The following CDH13 variants were observed in gnomAD, a reference collection of about 807,000 sequenced individuals.
CDH13 encodes the protein cadherin 13, also known as cadherin-13.
In CDH13, 24 loss-of-function variants were observed where a neutral mutation model predicts 63.8. The observed-to-expected ratio is 0.38, with a 90% CI of 0.27 to 0.53. The LOEUF (loss-of-function observed/expected upper bound fraction) is 0.53. CDH13 is among the 20% of genes least tolerant of loss of function. The pLI, the probability that CDH13 is intolerant of heterozygous loss-of-function variation, is 0.85. For synonymous variants in CDH13, 503 were observed against 355.3 expected, an observed-to-expected ratio of 1.42 and a Z score of -4.67; for missense variants, 1,049 against 903.1, an observed-to-expected ratio of 1.16 and a Z score of -2.07.
chr16:82,948,536 A>T (rs1402512106), intron 2 of CDH13, among the ~76,000 whole-genome samples: 1 of 152,190 alleles, frequency 6.6e-6, no homozygotes, highest in African/African-American at 2.4e-5. Flanking sequence ...GGAACAATCA[A>T]AAGATCAAAG....
intron 4 of CDH13, among the ~76,000 whole-genome samples, chr16:83,191,458 AATATATATATATATAT>A (rs57044100): frequency 1.2e-5 from 1 of 80,582 alleles, no homozygotes; most frequent in East Asian, 3.6e-4. Flanking sequence ...ACTAATAGGA[AATATATATATATATAT>A]ATATATATAT....
chr16:83,787,874 C>T lies in CDH13; in HGVS notation c.2134+4402C>T, dbSNP rs1915989799. On this transcript the variant is annotated intron_variant, in intron 13 of 13. Transcript: ENST00000567109. ...AGGAGAATCGCTTGAACCTGCCAGG[C>T]AGAGGTTGCAGTGAGCCGAGATCAC... 1.3e-5 allele frequency among the ~76,000 whole-genome samples: 2 copies of T among 151,182 alleles called. 1 individual carries two copies. The highest frequency in any genetic ancestry group is 4.2e-4 in the South Asian group (2 of 4,762).
At chr16:83,617,216 G>A (rs1417859294) in intron 8 of CDH13, among the ~76,000 whole-genome samples, 2 of 152,280 alleles carry the variant, frequency 1.3e-5, no homozygotes, top group East Asian at 1.9e-4. Flanking sequence ...TTTAATTAGA[G>A]ATGAGTTTAT....
At chr16:82,700,864 C>G (rs947890353) in intron 1 of CDH13, among the ~76,000 whole-genome samples, 11 of 147,114 alleles carry the variant, frequency 7.5e-5, no homozygotes, top group Non-Finnish European at 1.3e-4. Flanking sequence ...ATTCAGAACA[C>G]TAATCTGATC....
At position 83,490,798 on chromosome 16, in the gene CDH13, C is replaced by T. The variant is rs542366356; in HGVS notation, c.960+4143C>T. 9.2e-4 allele frequency among the ~76,000 whole-genome samples: 140 copies of T among 152,282 alleles called. 1 individual carries two copies. The highest frequency in any genetic ancestry group is 3.1e-3 in the African/African-American group (128 of 41,540). On this transcript the variant is annotated intron_variant, in intron 7 of 13. Transcript: ENST00000567109. The stretch of plus-strand genomic sequence containing the variant: ...TCTTCCCCTTCCATATCTTAAGCTC[C>T]GCATTAATAGATATCAAGTTTCCCC...
At chr16:82,940,141 G>C (rs898870116) in intron 2 of CDH13, among the ~76,000 whole-genome samples, 2 of 152,144 alleles carry the variant, frequency 1.3e-5, no homozygotes, top group African/African-American at 4.8e-5. Context: ...CAACGTGTGG[G>C]AATTATTAAT....
At chr16:82,731,959 A>G (rs2033425624) in intron 1 of CDH13, among the ~76,000 whole-genome samples, 1 of 152,136 alleles carries the variant, frequency 6.6e-6, no homozygotes, top group Non-Finnish European at 1.5e-5. Flanking sequence ...CTCCACCTGA[A>G]ACAATCTCTT....
At chr16:83,528,383 C>T (rs920022756) in intron 7 of CDH13, among the ~76,000 whole-genome samples, 1 of 152,044 alleles carries the variant, frequency 6.6e-6, no homozygotes, top group African/African-American at 2.4e-5. Flanking sequence ...AAGTCTTCTC[C>T]TTGGGGAAAT....
intron 1 of CDH13, among the ~76,000 whole-genome samples, chr16:82,756,498 C>T (rs139420436): frequency 1.3e-5 from 2 of 152,128 alleles, no homozygotes; most frequent in African/African-American, 2.4e-5. Flanking sequence ...GTTAGTATAG[C>T]AGTTCCTTGC....
intron 1 of CDH13, among the ~76,000 whole-genome samples, chr16:82,662,821 A>G (rs1360674354): frequency 6.6e-6 from 1 of 152,182 alleles, no homozygotes; most frequent in Non-Finnish European, 1.5e-5. Flanking sequence ...TAGAAGATCA[A>G]TGAGAAGATG....
chr16:83,705,939 C>G (rs60060661), intron 10 of CDH13, among the ~76,000 whole-genome samples: 27,419 of 152,066 alleles, frequency 0.18, 2,721 homozygotes, highest in African/African-American at 0.23. Flanking sequence ...GGCTGGTTGC[C>G]TCTTTCAGCC....
At chr16:82,663,916 A>G (rs1262194440) in intron 1 of CDH13, among the ~76,000 whole-genome samples, 1 of 152,060 alleles carries the variant, frequency 6.6e-6, no homozygotes, top group Non-Finnish European at 1.5e-5. Flanking sequence ...CCCTCCTCCT[A>G]CCATGGCGCA....
intron 7 of CDH13, among the ~76,000 whole-genome samples, chr16:83,489,883 T>C (rs1024635201): frequency 4.6e-5 from 7 of 152,180 alleles, no homozygotes; most frequent in Non-Finnish European, 8.8e-5. Flanking sequence ...ATGATTCAAG[T>C]TGATTTTAAG....
chr16:82,794,429 T>C (rs1012823067), intron 1 of CDH13, among the ~76,000 whole-genome samples: 1 of 151,550 alleles, frequency 6.6e-6, no homozygotes, highest in African/African-American at 2.4e-5. Context: ...TTTGTTTTTT[T>C]TCTCCCTTGA....
chr16:83,112,093 C>T (rs1016372832), intron 3 of CDH13, among the ~76,000 whole-genome samples: 1 of 152,236 alleles, frequency 6.6e-6, no homozygotes, highest in African/African-American at 2.4e-5. Flanking sequence ...TTAGAACTCT[C>T]TGCTTTGCTT....
chr16:82,873,572 C>G (rs746921743), intron 2 of CDH13, among the ~76,000 whole-genome samples: 1 of 152,160 alleles, frequency 6.6e-6, no homozygotes, highest in Non-Finnish European at 1.5e-5. Context: ...TGTTTTTAAG[C>G]TACCCAAACT....
intron 8 of CDH13, among the ~76,000 whole-genome samples, chr16:83,613,419 A>G (rs1484872325): frequency 3.9e-5 from 6 of 152,238 alleles, no homozygotes; most frequent in Non-Finnish European, 8.8e-5. Context: ...ACATACATAT[A>G]CAAACATACA....
At chr16:83,166,444 G>A (rs759470472) in intron 4 of CDH13, among the ~76,000 whole-genome samples, 2 of 152,086 alleles carry the variant, frequency 1.3e-5, no homozygotes, top group East Asian at 1.9e-4. Context: ...CCAAGGTTGC[G>A]GACAATTAAC....
intron 5 of CDH13, among the ~76,000 whole-genome samples, chr16:83,245,011 C>A (rs1404070735): frequency 4.3e-4 from 66 of 152,160 alleles, no homozygotes; most frequent in Admixed American, 4.3e-3. Context: ...AGGAACCTTC[C>A]CCAAATCATC....
Sources: gnomAD v4.1 joint callset for allele counts (sites outside exome capture counted in the v4.1 genomes callset) on GRCh38, gnomAD v4.1.1 for gene constraint, MANE v1.5 for transcripts, NCBI Gene and HGNC (gene_info 2026-07-23, HGNC 2026-07-21) for gene names.